MYLK: variants seen among roughly 807,000 people sequenced by gnomAD.
The protein encoded by MYLK is myosin light chain kinase.
MYLK carries 106 observed loss-of-function variants against 203.4 expected under a neutral mutation model. The observed-to-expected ratio is 0.52, with a 90% CI of 0.45 to 0.61. MYLK has a LOEUF of 0.61. MYLK is among the 20% of genes least tolerant of loss of function. The probability of loss-of-function intolerance (pLI) is 0.00; values close to 1 mark genes in which losing one functional copy is unlikely to be tolerated. For missense variants in MYLK, 2,072 were observed against 2,442.3 expected, an observed-to-expected ratio of 0.85 and a Z score of 3.20; for synonymous variants, 867 against 959.5, an observed-to-expected ratio of 0.90 and a Z score of 1.78.
At chr3:123,682,425 T>C in intron 19 of MYLK, 115 bp from the exon 20 acceptor site, 1 of 813,302 alleles carries the variant, frequency 1.2e-6, no homozygotes, top group South Asian at 1.4e-5. Context: ...GAGGGCCCTT[T>C]GTGCCCGCTG....
chr3:123,749,279 A>C (rs1576836928), intron 5 of MYLK, among the ~76,000 whole-genome samples: 1 of 130,864 alleles, frequency 7.6e-6, no homozygotes, highest in African/African-American at 3.3e-5. Flanking sequence ...ACCTAGCCTC[A>C]AAAAAAAAAA....
intron 2 of MYLK, among the ~76,000 whole-genome samples, chr3:123,872,293 A>G (rs1335510151): frequency 1.3e-5 from 2 of 152,170 alleles, no homozygotes; most frequent in Non-Finnish European, 2.9e-5. Flanking sequence ...ACCTGTTTTT[A>G]ACTCCCAGAA....
At chr3:123,793,874 A>G (rs763789103) in intron 3 of MYLK, 30 bp from the exon 4 acceptor site, 2 of 1,613,612 alleles carry the variant, frequency 1.2e-6, no homozygotes. Context: ...GGACAAGGTC[A>G]GATCAGACAA....
intron 20 of MYLK, chr3:123,681,936 G>C: frequency 2.1e-6 from 1 of 468,814 alleles, no homozygotes; most frequent in Admixed American, 3.3e-5. Context: ...GAAGTGAAAG[G>C]GCATGAAGGA....
chr3:123,629,774 T>C lies in MYLK; in HGVS notation c.4962-148A>G. 1.3e-6 allele frequency: 1 copy of C among 776,996 alleles called. No individual in the cohort carries two copies. The allele number at this position is 776,996 out of a possible 1,614,324, so 48.1% of individuals were successfully genotyped here. Reference sequence around the variant, plus strand: ...GGCCTTGCACCTGCCTTTCTTCCACTTGTGGAAAGAAAAGAGGGTGTGGTT... The same window carrying C: ...GGCCTTGCACCTGCCTTTCTTCCACCTGTGGAAAGAAAAGAGGGTGTGGTT... On this transcript the variant is annotated intron_variant, in intron 29 of 33. Coordinates refer to ENST00000360304, the MANE Select transcript of MYLK (RefSeq NM_053025.4). The surrounding 1 kb of genome is among the most constrained non-coding windows in gnomAD (Gnocchi z 4.4).
chr3:123,850,564 A>G (rs1010601368), intron 2 of MYLK, among the ~76,000 whole-genome samples: 4 of 152,048 alleles, frequency 2.6e-5, no homozygotes, highest in East Asian at 1.9e-4. Context: ...GTCTGTTCAT[A>G]TCCTTTGCCC....
chr3:123,724,942 A>C (rs957114188), intron 12 of MYLK, among the ~76,000 whole-genome samples: 3 of 151,970 alleles, frequency 2.0e-5, no homozygotes, highest in Non-Finnish European at 4.4e-5. Flanking sequence ...TGGGGGTCTC[A>C]TCATGTTGGC....
At chr3:123,737,325 G>A in intron 8 of MYLK, 53 bp downstream of exon 8, 1 of 1,612,362 alleles carries the variant, frequency 6.2e-7, no homozygotes, top group Non-Finnish European at 8.5e-7. Context: ...TCCTCTAGGA[G>A]GGTGCGGCAC....
chr3:123,851,718 T>C (rs2030825614), intron 2 of MYLK, among the ~76,000 whole-genome samples: 1 of 152,146 alleles, frequency 6.6e-6, no homozygotes, highest in Non-Finnish European at 1.5e-5. Flanking sequence ...CCTCTTTTCC[T>C]AATTGAATAC....
chr3:123,826,627 G>A (rs1390165296), intron 3 of MYLK, among the ~76,000 whole-genome samples: 1 of 152,160 alleles, frequency 6.6e-6, no homozygotes, highest in Non-Finnish European at 1.5e-5. Context: ...TCATGCTCCT[G>A]GCCAAAATAA....
intron 27 of MYLK, among the ~76,000 whole-genome samples, chr3:123,645,985 A>C (rs1209780621): frequency 6.6e-6 from 1 of 152,202 alleles, no homozygotes; most frequent in African/African-American, 2.4e-5. Context: ...CTGTACAAAA[A>C]TACAAAAATT....
intron 4 of MYLK, among the ~76,000 whole-genome samples, chr3:123,760,303 C>T (rs1292570781): frequency 3.3e-5 from 5 of 152,170 alleles, no homozygotes; most frequent in South Asian, 2.1e-4. Flanking sequence ...CTCAGCCTCC[C>T]GAGTAGCTGG....
rs1324342250 is a variant in MYLK, at chr3:123,612,784, T to C, written c.*1321A>G. 1 of 152,572 alleles carries C rather than the reference T, an allele frequency of 6.6e-6. No homozygotes were observed. The highest frequency in any genetic ancestry group is 1.5e-5 in the Non-Finnish European group (1 of 68,032). The allele number at this position is 152,572 out of a possible 1,614,324, so 9.5% of individuals were successfully genotyped here. ...ACTCTTAAAAAGTCCCTTAAAAATA[T>C]TAAATTGTTGCACCTTACAAACAGT... On this transcript the variant is annotated 3_prime_UTR_variant, in exon 34 of 34. Transcript: ENST00000360304.
chr3:123,787,912 G>A (rs1244019566), intron 4 of MYLK, among the ~76,000 whole-genome samples: 1 of 152,190 alleles, frequency 6.6e-6, no homozygotes, highest in Non-Finnish European at 1.5e-5. Flanking sequence ...GATTTGCACT[G>A]TGCCTGTGTG....
At chr3:123,759,627 C>T (rs775854435) in intron 4 of MYLK, among the ~76,000 whole-genome samples, 1 of 152,190 alleles carries the variant, frequency 6.6e-6, no homozygotes, top group Non-Finnish European at 1.5e-5. Context: ...TGCCTCCTGG[C>T]CAAAGCACTT....
At position 123,764,383 on chromosome 3, in the gene MYLK, A is replaced by G. The variant is rs192304881; in HGVS notation, c.166-11845T>C. On this transcript the variant is annotated intron_variant, in intron 4 of 33. Transcript: ENST00000360304. ...GTAGAGGGATTGAAATTAAAACATCAACATCAATATCTGCAGATCTTCTCC... is the reference window on the plus strand; with the variant it reads ...GTAGAGGGATTGAAATTAAAACATCGACATCAATATCTGCAGATCTTCTCC... Among the ~76,000 whole-genome samples the G allele has an allele frequency of 4.1e-3, 626 of 152,310 alleles. 19 individuals are homozygous for G. Among genetic ancestry groups the G allele is most frequent in the Admixed American group, 0.036 (551 of 15,296 alleles).
At chr3:123,724,064 T>C (rs1020154605) in intron 12 of MYLK, among the ~76,000 whole-genome samples, 3 of 152,214 alleles carry the variant, frequency 2.0e-5, no homozygotes, top group African/African-American at 4.8e-5. Context: ...CTTTTACTTT[T>C]TGAGACAGGG....
intron 16 of MYLK, among the ~76,000 whole-genome samples, chr3:123,701,908 G>T (rs2061247000): frequency 6.6e-6 from 1 of 152,206 alleles, no homozygotes; most frequent in Non-Finnish European, 1.5e-5. Context: ...CTGGTGGTGG[G>T]CCTGCCCAGT....
intron 9 of MYLK, 196 bp from the exon 10 acceptor site, chr3:123,734,418 C>T (rs968961584): frequency 1.3e-5 from 7 of 548,442 alleles, no homozygotes; most frequent in African/African-American, 1.9e-5. Flanking sequence ...CAGCCATTCC[C>T]GACACTTGCC....
Sources: allele counts gnomAD v4.1 joint callset (sites outside exome capture counted in the v4.1 genomes callset), GRCh38; gene constraint gnomAD v4.1.1; non-coding constraint Gnocchi (gnomAD v3.1); transcripts MANE v1.5; gene names NCBI Gene and HGNC (gene_info 2026-07-23, HGNC 2026-07-21).